Variants in CFAP54 observed in about 807,000 individuals in gnomAD.
CFAP54 encodes the protein cilia and flagella associated protein 54.
Under a neutral mutation model 370.4 loss-of-function variants are expected in CFAP54, and 290 were observed. That is an observed-to-expected ratio of 0.78 (90% CI 0.71 to 0.86). The LOEUF (loss-of-function observed/expected upper bound fraction) is 0.86. Ranked by LOEUF, CFAP54 falls within the 40% of genes least tolerant of loss-of-function variation. The pLI is 0.00. For synonymous variants in CFAP54, 1,206 were observed against 1,236.5 expected, an observed-to-expected ratio of 0.98 and a Z score of 0.52; for missense variants, 3,399 against 3,528.7, an observed-to-expected ratio of 0.96 and a Z score of 0.93.
At chr12:96,831,625 A>T (rs954309257) in intron 66 of CFAP54, among the ~76,000 whole-genome samples, 4 of 152,120 alleles carry the variant, frequency 2.6e-5, no homozygotes, top group African/African-American at 9.7e-5. Context: ...AAGACTGAAG[A>T]CTTCTCTGAG....
Position 96,522,177 on chromosome 12 carries a change from G to C in CFAP54, c.1146G>C (p.Arg382Ser). The C allele has an allele frequency of 6.5e-7, 1 of 1,529,670 alleles. No individual in the cohort carries two copies. The highest frequency in any genetic ancestry group is 8.7e-7 in the Non-Finnish European group (1 of 1,143,202). The allele number at this position is 1,529,670 out of a possible 1,614,324, so 94.8% of individuals were successfully genotyped here. The part of the protein sequence containing the change: ...VFRPKIRINL[R>S]EVQTLSWPRT... ...GACCTAAGATAAGAATTAACCTAAG[G>C]GAAGTACAAACTGTAAGTCTAAACA... Residue 382 changes from arginine (R) to serine (S), a missense_variant, in exon 8 of 68, where the codon AGG becomes AGC. This residue lies in a region of CFAP54 where 559 missense variants were observed against 576.7 expected (regional missense o/e 0.97). Coordinates refer to ENST00000524981, the MANE Select transcript of CFAP54 (RefSeq NM_001306084.2).
intron 60 of CFAP54, among the ~76,000 whole-genome samples, chr12:96,770,254 C>T (rs560325624): frequency 3.5e-4 from 53 of 151,766 alleles, no homozygotes; most frequent in Admixed American, 3.5e-3. Context: ...AGAGATGAGA[C>T]AATTGGGTCA....
At chr12:96,507,474 A>G (rs1955115910) in intron 4 of CFAP54, among the ~76,000 whole-genome samples, 1 of 151,528 alleles carries the variant, frequency 6.6e-6, no homozygotes, top group African/African-American at 2.4e-5. Context: ...GGTTTCTACA[A>G]AGTGACCTCC....
chr12:96,781,971 A>G (rs1958584940), intron 60 of CFAP54, among the ~76,000 whole-genome samples: 1 of 152,154 alleles, frequency 6.6e-6, no homozygotes, highest in Non-Finnish European at 1.5e-5. Flanking sequence ...TTTGATCAAA[A>G]TAAGCAGCAT....
intron 45 of CFAP54, among the ~76,000 whole-genome samples, chr12:96,697,242 G>A (rs913358574): frequency 9.2e-5 from 14 of 152,168 alleles, no homozygotes; most frequent in African/African-American, 3.1e-4. Flanking sequence ...AGATTGGTAT[G>A]ATAAACTGAA....
intron 14 of CFAP54, among the ~76,000 whole-genome samples, 171 bp downstream of exon 14, chr12:96,541,158 G>C (rs1420281314): frequency 1.3e-5 from 2 of 152,030 alleles, no homozygotes. Flanking sequence ...TGGATGTTAA[G>C]GTTTCATGCT....
intron 67 of CFAP54, among the ~76,000 whole-genome samples, chr12:96,874,391 G>A (rs1565770474): frequency 6.6e-6 from 1 of 152,178 alleles, no homozygotes; most frequent in African/African-American, 2.4e-5. Context: ...CCTGCATTCT[G>A]CAGAATAGAA....
At chr12:96,700,769 G>A (rs930176674) in intron 46 of CFAP54, among the ~76,000 whole-genome samples, 1 of 152,132 alleles carries the variant, frequency 6.6e-6, no homozygotes, top group African/African-American at 2.4e-5. Context: ...CATGCTTCAG[G>A]CAGATGCTTG....
At position 96,564,743 on chromosome 12, in the gene CFAP54, C is replaced by T. The variant is rs759758864; in HGVS notation, c.2597C>T (p.Thr866Ile). 1.6e-6 allele frequency: 1 copy of T among 620,964 alleles called. No individual in the cohort carries two copies. Among genetic ancestry groups the T allele is most frequent in the Non-Finnish European group, 2.8e-6 (1 of 354,694 alleles). The allele number at this position is 620,964 out of a possible 1,614,324, so 38.5% of individuals were successfully genotyped here. The change falls in exon 19 of 68, where the codon ACA (threonine) becomes ATA (isoleucine). Residue 866 changes from threonine (T) to isoleucine (I), a missense_variant. Thr to Ile is a moderately conservative substitution (Grantham distance 89). Transcript: ENST00000524981. ...LLIFEKDATSTSSWELLMEAY... is the reference protein window; with the variant it reads ...LLIFEKDATSISSWELLMEAY... ...ATATTCGAGAAAGATGCAACTTCTACATCTTCATGGGAACTTTTGATGGTA... is the reference window on the plus strand; with the variant it reads ...ATATTCGAGAAAGATGCAACTTCTATATCTTCATGGGAACTTTTGATGGTA...
chr12:96,802,197 C>A (rs1958827222), intron 63 of CFAP54, among the ~76,000 whole-genome samples: 1 of 152,066 alleles, frequency 6.6e-6, no homozygotes, highest in South Asian at 2.1e-4. Context: ...TACCCACCAC[C>A]CTGCTACAGC....
intron 8 of CFAP54, 107 bp downstream of exon 8, chr12:96,522,296 G>T: frequency 2.7e-6 from 2 of 731,862 alleles, no homozygotes; most frequent in Non-Finnish European, 4.3e-6. Context: ...TCTGCCCCCA[G>T]TTCTCTGCCC....
At chr12:96,752,041 A>G (rs193024259) in intron 55 of CFAP54, among the ~76,000 whole-genome samples, 1 of 146,020 alleles carries the variant, frequency 6.8e-6, no homozygotes. Context: ...GTGTGCTGCC[A>G]TCCCGCCTGG....
intron 22 of CFAP54, 52 bp from the exon 23 acceptor site, chr12:96,589,375 A>T: frequency 1.5e-6 from 2 of 1,368,740 alleles, no homozygotes; most frequent in Non-Finnish European, 2.0e-6. Flanking sequence ...TATTGTTTAA[A>T]ACATTCATTC....
rs140485048 is a variant in CFAP54, at chr12:96,824,382, A to G, written c.9097-4632A>G. On this transcript the variant is annotated intron_variant, in intron 65 of 67. Coordinates refer to ENST00000524981, the MANE Select transcript of CFAP54 (RefSeq NM_001306084.2). ...CAGGGCAAGGCGTTTTTCAGGTAGCATTGCTCTCTTCATCTGTGATGTGAA... is the reference window on the plus strand; with the variant it reads ...CAGGGCAAGGCGTTTTTCAGGTAGCGTTGCTCTCTTCATCTGTGATGTGAA... 6.0e-4 allele frequency among the ~76,000 whole-genome samples: 91 copies of G among 152,240 alleles called. No individual in the cohort carries two copies. In the East Asian group the frequency reaches 0.015, roughly 25 times the overall value.
At chr12:96,817,215 A>G (rs1461298747) in intron 64 of CFAP54, among the ~76,000 whole-genome samples, 2 of 151,908 alleles carry the variant, frequency 1.3e-5, no homozygotes, top group Non-Finnish European at 2.9e-5. Flanking sequence ...TGCCTTTTTT[A>G]TTGTGCTTTT....
intron 1 of CFAP54, among the ~76,000 whole-genome samples, chr12:96,490,269 G>A (rs1458389097): frequency 6.6e-6 from 1 of 152,204 alleles, no homozygotes; most frequent in Non-Finnish European, 1.5e-5. Context: ...TAATAACATG[G>A]TGATAGAACT....
chr12:96,847,017 A>C (rs926153794), intron 66 of CFAP54, among the ~76,000 whole-genome samples: 2 of 152,166 alleles, frequency 1.3e-5, no homozygotes, highest in African/African-American at 4.8e-5. Flanking sequence ...GCCAGCTGCA[A>C]ATGGGGTTCC....
intron 17 of CFAP54, among the ~76,000 whole-genome samples, chr12:96,562,753 T>C (rs1955829408): frequency 6.6e-6 from 1 of 152,146 alleles, no homozygotes; most frequent in Non-Finnish European, 1.5e-5. Context: ...ATATAAAATT[T>C]CCTTTTTTCC....
chr12:96,752,586 T>A (rs1040687469), intron 55 of CFAP54, among the ~76,000 whole-genome samples: 1 of 152,178 alleles, frequency 6.6e-6, no homozygotes, highest in African/African-American at 2.4e-5. Flanking sequence ...TTATGCCAAC[T>A]TTTTTGTTCT....
Sources: allele counts gnomAD v4.1 joint callset (sites outside exome capture counted in the v4.1 genomes callset), GRCh38; gene constraint gnomAD v4.1.1; regional missense constraint gnomAD v4.1.1; transcripts MANE v1.5; gene names NCBI Gene and HGNC (gene_info 2026-07-23, HGNC 2026-07-21).